Variants in RIMS2 observed in about 807,000 individuals in gnomAD.
The protein encoded by RIMS2 is regulating synaptic membrane exocytosis 2, also known as regulating synaptic membrane exocytosis protein 2.
A neutral mutation model predicts 174.4 loss-of-function variants in RIMS2; 59 were observed. That is an observed-to-expected ratio of 0.34 (90% CI 0.27 to 0.42). The LOEUF is 0.42. Among genes scored for constraint, RIMS2 ranks in the 10% least tolerant of loss-of-function variants. The probability of loss-of-function intolerance (pLI) is 1.00; values close to 1 mark genes in which losing one functional copy is unlikely to be tolerated. For missense variants in RIMS2, 1,620 were observed against 1,666.3 expected, an observed-to-expected ratio of 0.97 and a Z score of 0.48; for synonymous variants, 606 against 572.5, an observed-to-expected ratio of 1.06 and a Z score of -0.84.
chr8:103,565,389 C>T (rs918044801), intron 1 of RIMS2, among the ~76,000 whole-genome samples: 4 of 151,980 alleles, frequency 2.6e-5, no homozygotes, highest in Non-Finnish European at 5.9e-5. Context: ...ACTGCAAGCT[C>T]GACTGCCTGG....
intron 19 of RIMS2, among the ~76,000 whole-genome samples, chr8:104,038,696 C>T (rs186092979): frequency 1.2e-4 from 18 of 151,928 alleles, no homozygotes; most frequent in Admixed American, 3.3e-4. Flanking sequence ...TTGCCTAAGA[C>T]ATGGCTGCTT....
chr8:104,062,875 C>T (rs2097028762), intron 19 of RIMS2, among the ~76,000 whole-genome samples: 1 of 151,860 alleles, frequency 6.6e-6, no homozygotes, highest in South Asian at 2.1e-4. Context: ...AGATAGTTAT[C>T]AAAATTACTT....
At chr8:103,576,676 A>C (rs1178938195) in intron 1 of RIMS2, among the ~76,000 whole-genome samples, 3 of 152,226 alleles carry the variant, frequency 2.0e-5, no homozygotes, top group Non-Finnish European at 4.4e-5. Flanking sequence ...TTCAAACTAT[A>C]CTACAAGGCT....
In RIMS2 at chr8:104,218,438, G is replaced by A. The variant is rs187343056; in HGVS notation, c.3335-26478G>A. 5.1e-3 allele frequency among the ~76,000 whole-genome samples: 781 copies of A among 152,254 alleles called. 3 individuals carry two copies. Among genetic ancestry groups the A allele is most frequent in the Non-Finnish European group, 8.0e-3 (544 of 68,022 alleles). On this transcript the variant is annotated intron_variant, in intron 19 of 23. Transcript: ENST00000504942. Reference sequence around the variant, plus strand: ...TTTGGCAACAGGAAACAGTTTTGTCGAAGACAGTTCTTCCACAGACCAGGA... The same window carrying A: ...TTTGGCAACAGGAAACAGTTTTGTCAAAGACAGTTCTTCCACAGACCAGGA...
chr8:103,839,774 A>T (rs1474343758), intron 3 of RIMS2, among the ~76,000 whole-genome samples: 1 of 152,214 alleles, frequency 6.6e-6, no homozygotes, highest in Non-Finnish European at 1.5e-5. Context: ...ACTTTGCATC[A>T]AAAATTCTAG....
chr8:103,857,810 C>T (rs371265596), intron 3 of RIMS2, among the ~76,000 whole-genome samples: 7 of 152,204 alleles, frequency 4.6e-5, no homozygotes, highest in Non-Finnish European at 7.3e-5. Flanking sequence ...TATTCCTCTA[C>T]GCTACATTCT....
Position 103,775,541 on chromosome 8 carries a change from G to A in RIMS2, c.698+9004G>A, listed in dbSNP as rs1220257686. ...TTTGGTGCCACTTTCTGTGAATTATGCACATTCAATAAATGCTTGGTGCAT... is the reference window on the plus strand; with the variant it reads ...TTTGGTGCCACTTTCTGTGAATTATACACATTCAATAAATGCTTGGTGCAT... On this transcript the variant is annotated intron_variant, in intron 3 of 23. Transcript: ENST00000504942. 2.0e-5 allele frequency among the ~76,000 whole-genome samples: 3 copies of A among 152,104 alleles called. No homozygotes were observed. The East Asian group carries it at 5.8e-4, about 29-fold the overall frequency.
At chr8:104,253,438 A>G (rs1267250421), downstream of RIMS2, 1 of 152,236 alleles carries the variant, frequency 6.6e-6, no homozygotes, top group East Asian at 1.9e-4. Flanking sequence ...AAAGAAATAT[A>G]GTAAACATAA....
chr8:103,991,070 A>T (rs2094662105), intron 17 of RIMS2, among the ~76,000 whole-genome samples: 1 of 151,846 alleles, frequency 6.6e-6, no homozygotes, highest in Non-Finnish European at 1.5e-5. Context: ...CATGTCAGAG[A>T]TATCCTACAA....
intron 4 of RIMS2, among the ~76,000 whole-genome samples, chr8:103,908,829 A>G (rs1318600696): frequency 6.6e-6 from 1 of 152,214 alleles, no homozygotes; most frequent in Non-Finnish European, 1.5e-5. Context: ...CCTTTTTAAA[A>G]TGTTAATCAG....
At chr8:103,953,288 G>A (rs10441503) in intron 14 of RIMS2, among the ~76,000 whole-genome samples, 128,752 of 152,174 alleles carry the variant, frequency 0.85, 55,455 homozygotes, top group African/African-American at 0.95. Flanking sequence ...CAACCCCAAG[G>A]CACATAATTG....
intron 19 of RIMS2, among the ~76,000 whole-genome samples, chr8:104,107,661 G>A (rs2098098581): frequency 6.6e-6 from 1 of 152,188 alleles, no homozygotes; most frequent in Non-Finnish European, 1.5e-5. Context: ...AAATAGTCCA[G>A]GACAGGCTGG....
At chr8:104,248,865 T>C (rs1297427400) in intron 21 of RIMS2, 52 bp downstream of exon 27, 1 of 946,542 alleles carries the variant, frequency 1.1e-6, no homozygotes, top group Admixed American at 1.7e-5. Context: ...TTGTTGAAAA[T>C]GAAATTCTCT....
intron 3 of RIMS2, among the ~76,000 whole-genome samples, chr8:103,825,341 T>C (rs190160624): frequency 1.2e-3 from 190 of 152,238 alleles, no homozygotes; most frequent in African/African-American, 4.4e-3. Flanking sequence ...TGGAGTGCAG[T>C]GGCGTGATCT....
At chr8:103,721,856 T>C (rs1362203008) in intron 2 of RIMS2, among the ~76,000 whole-genome samples, 3 of 151,842 alleles carry the variant, frequency 2.0e-5, no homozygotes, top group Admixed American at 2.0e-4. Flanking sequence ...GATTTGAGAG[T>C]TGAGAAGAGA....
At chr8:103,841,019 T>G (rs1197672019) in intron 3 of RIMS2, among the ~76,000 whole-genome samples, 1 of 152,186 alleles carries the variant, frequency 6.6e-6, no homozygotes, top group Non-Finnish European at 1.5e-5. Flanking sequence ...AGGTGTAGTT[T>G]ATAGAGCAGG....
At chr8:103,624,370 C>G (rs183183168) in intron 1 of RIMS2, among the ~76,000 whole-genome samples, 2 of 152,296 alleles carry the variant, frequency 1.3e-5, no homozygotes, top group Admixed American at 6.5e-5. Flanking sequence ...CTCAGACCCT[C>G]GGACTGAGAT....
intron 15 of RIMS2, among the ~76,000 whole-genome samples, chr8:103,962,805 T>C (rs751098671): frequency 6.6e-6 from 1 of 152,124 alleles, no homozygotes; most frequent in Non-Finnish European, 1.5e-5. Flanking sequence ...CTAGGGTTAC[T>C]AACTAGGGCA....
At chr8:103,659,743 C>T (rs746480810) in intron 1 of RIMS2, among the ~76,000 whole-genome samples, 1 of 152,156 alleles carries the variant, frequency 6.6e-6, no homozygotes, top group Admixed American at 6.5e-5. Flanking sequence ...CTGGTGGTTG[C>T]CAGAGCACAC....
Sources: allele counts gnomAD v4.1 joint callset (sites outside exome capture counted in the v4.1 genomes callset), GRCh38; gene constraint gnomAD v4.1.1; transcripts MANE v1.5; gene names NCBI Gene and HGNC (gene_info 2026-07-23, HGNC 2026-07-21).